Variants in RBFOX1 observed in about 807,000 individuals in gnomAD.
The protein encoded by RBFOX1 is RNA binding fox-1 homolog 1.
In RBFOX1, 8 loss-of-function variants were observed where a neutral mutation model predicts 57.7. That is an observed-to-expected ratio of 0.14 (90% confidence interval 0.08 to 0.25). The LOEUF is 0.25. RBFOX1 is among the 10% of genes least tolerant of loss of function. The pLI, the probability that RBFOX1 is intolerant of heterozygous loss-of-function variation, is 1.00. For synonymous variants in RBFOX1, 326 were observed against 222.4 expected, an observed-to-expected ratio of 1.47 and a Z score of -4.15; for missense variants, 611 against 548.5, an observed-to-expected ratio of 1.11 and a Z score of -1.14.
chr16:6,688,702 A>G (rs951344533), intron 3 of RBFOX1, among the ~76,000 whole-genome samples: 8 of 152,114 alleles, frequency 5.3e-5, no homozygotes, highest in Admixed American at 1.3e-4. Context: ...GGTTTGTTAC[A>G]TAGGTATACA....
intron 1 of RBFOX1, among the ~76,000 whole-genome samples, chr16:6,162,500 A>G (rs953244800): frequency 2.6e-5 from 4 of 152,164 alleles, no homozygotes; most frequent in African/African-American, 9.7e-5. Flanking sequence ...AAATGTGACA[A>G]CTATTATCTG....
At chr16:7,289,367 A>G (rs1325302586) in intron 4 of RBFOX1, among the ~76,000 whole-genome samples, 2 of 152,126 alleles carry the variant, frequency 1.3e-5, no homozygotes, top group African/African-American at 4.8e-5. Flanking sequence ...TTTACAATCA[A>G]CAGTAGCCAG....
Position 5,312,708 on chromosome 16 carries a change from T to C in RBFOX1, c.219+72603T>C, listed in dbSNP as rs190486149. Among the ~76,000 whole-genome samples, 31 of 152,254 alleles carry C rather than the reference T, an allele frequency of 2.0e-4. No homozygotes were observed. The East Asian group carries it at 5.2e-3, about 26-fold the overall frequency. ...GACAGACAATTCTCAAAAGAAGACA[T>C]ACAAATGACCAACAAACATAGGAAA... On this transcript the variant is annotated intron_variant, in intron 1 of 2. Coordinates refer to the RBFOX1 transcript ENST00000585867.
intron 4 of RBFOX1, among the ~76,000 whole-genome samples, chr16:7,387,974 G>C (rs994820921): frequency 6.6e-6 from 1 of 151,684 alleles, no homozygotes; most frequent in African/African-American, 2.4e-5. Context: ...TGGCTCTCTT[G>C]TTCAGCTATT....
chr16:6,485,367 T>G (rs189666327), intron 2 of RBFOX1, among the ~76,000 whole-genome samples: 87 of 152,258 alleles, frequency 5.7e-4, no homozygotes, highest in Admixed American at 2.7e-3. Flanking sequence ...CTCTTCTCTC[T>G]CTTGGTCTCC....
intron 3 of RBFOX1, among the ~76,000 whole-genome samples, chr16:6,729,220 A>G (rs1489983911): frequency 6.6e-6 from 1 of 152,166 alleles, no homozygotes; most frequent in East Asian, 1.9e-4. Flanking sequence ...TTATATGTAT[A>G]TAATTGGGGT....
At chr16:5,609,232 T>C (rs1486287022) in intron 3 of RBFOX1, among the ~76,000 whole-genome samples, 8 of 152,234 alleles carry the variant, frequency 5.3e-5, no homozygotes, top group East Asian at 1.9e-4. Flanking sequence ...TTTTAAGTTA[T>C]GTATTCATTA....
intron 1 of RBFOX1, among the ~76,000 whole-genome samples, chr16:5,272,437 C>G (rs933656707): frequency 3.9e-5 from 6 of 152,202 alleles, no homozygotes; most frequent in Non-Finnish European, 7.3e-5. Flanking sequence ...CTGTTGCTCT[C>G]AGGCCCACAG....
intron 2 of RBFOX1, among the ~76,000 whole-genome samples, chr16:6,637,051 C>T (rs1240578368): frequency 1.6e-4 from 15 of 96,272 alleles, no homozygotes; most frequent in Non-Finnish European, 2.8e-4. Flanking sequence ...TATGTATAAA[C>T]ATATTTATAT....
At chr16:6,932,360 G>T (rs921909346) in intron 3 of RBFOX1, among the ~76,000 whole-genome samples, 1 of 152,130 alleles carries the variant, frequency 6.6e-6, no homozygotes, top group Admixed American at 6.6e-5. Flanking sequence ...ACCTGCCTCA[G>T]GCTCCCTAAG....
At chr16:5,351,624 G>T (rs9939296) in intron 1 of RBFOX1, among the ~76,000 whole-genome samples, 102 of 152,290 alleles carry the variant, frequency 6.7e-4, no homozygotes, top group African/African-American at 2.3e-3. Flanking sequence ...TATGGAGACC[G>T]CATGCAATGT....
At chr16:7,706,403 T>G (rs944814762) in intron 14 of RBFOX1, among the ~76,000 whole-genome samples, 19 of 152,204 alleles carry the variant, frequency 1.2e-4, no homozygotes, top group Non-Finnish European at 2.2e-4. Flanking sequence ...TGCCAAATTG[T>G]TACCTTGGGT....
At chr16:6,957,172 C>A (rs1173303743) in intron 3 of RBFOX1, among the ~76,000 whole-genome samples, 19 of 132,102 alleles carry the variant, frequency 1.4e-4, no homozygotes. Context: ...TGCTCTGTCA[C>A]CCAGGCTGCA....
At chr16:7,006,738 A>G (rs1354417942) in intron 3 of RBFOX1, among the ~76,000 whole-genome samples, 1 of 152,178 alleles carries the variant, frequency 6.6e-6, no homozygotes, top group Non-Finnish European at 1.5e-5. Context: ...ATGAGCCACC[A>G]TGCCTGGCAA....
Position 6,486,082 on chromosome 16 carries a change from CTTTTTTTTTTT to C in RBFOX1, c.-63-168506_-63-168496del, listed in dbSNP as rs71145234. ...AGTTGAAGGAGATCTCAGTAAAAGG[CTTTTTTTTTTT>C]TTTTTTTTTTTTTTGGCATTGATTG... On this transcript the variant is annotated intron_variant, in intron 2 of 15. Coordinates refer to ENST00000550418, the MANE Select transcript of RBFOX1 (RefSeq NM_018723.4). 9.1e-4 allele frequency among the ~76,000 whole-genome samples: 57 copies of C among 62,968 alleles called. 1 individual carries two copies. Among genetic ancestry groups the C allele is most frequent in the African/African-American group, 3.6e-3 (52 of 14,342 alleles). 41.3% of individuals were successfully genotyped at this position (62,968 alleles called of 152,430 possible). A position where few individuals can be genotyped will look rare whatever the true frequency, so the allele number is the denominator to read the frequency against.
intron 1 of RBFOX1, among the ~76,000 whole-genome samples, chr16:5,287,131 C>A (rs1257588445): frequency 6.6e-6 from 1 of 151,996 alleles, no homozygotes; most frequent in East Asian, 1.9e-4. Context: ...ATAGTGAGAC[C>A]CTGTCTCTGC....
intron 3 of RBFOX1, among the ~76,000 whole-genome samples, chr16:5,825,082 T>A (rs1239232461): frequency 6.6e-6 from 1 of 152,238 alleles, no homozygotes; most frequent in Non-Finnish European, 1.5e-5. Context: ...TCTTGGAGCA[T>A]CAACACAGGA....
chr16:6,456,027 A>G (rs1479962217), intron 2 of RBFOX1, among the ~76,000 whole-genome samples: 1 of 55,288 alleles, frequency 1.8e-5, no homozygotes, highest in African/African-American at 5.8e-5. Flanking sequence ...AAATGCAAAG[A>G]AAAGAAGAAA....
chr16:6,856,764 C>T (rs972162797), intron 3 of RBFOX1, among the ~76,000 whole-genome samples: 4 of 152,022 alleles, frequency 2.6e-5, no homozygotes, highest in Non-Finnish European at 4.4e-5. Context: ...TGTCAAAAAC[C>T]GCCACTCAAG....
Sources: gnomAD v4.1 joint callset for allele counts (sites outside exome capture counted in the v4.1 genomes callset) on GRCh38, gnomAD v4.1.1 for gene constraint, MANE v1.5 for transcripts, NCBI Gene and HGNC (gene_info 2026-07-23, HGNC 2026-07-21) for gene names.